The following DSCAM variants were observed in gnomAD, a reference collection of about 807,000 sequenced individuals.
The protein encoded by DSCAM is DS cell adhesion molecule, also known as cell adhesion molecule DSCAM.
A neutral mutation model predicts 217.7 loss-of-function variants in DSCAM; 47 were observed. The ratio of observed to expected loss-of-function variants is 0.22; its 90% CI spans 0.17 to 0.28. The LOEUF is 0.28. DSCAM is among the 10% of genes least tolerant of loss of function. The pLI is 1.00. For synonymous variants in DSCAM, 1,056 were observed against 1,015.3 expected (o/e 1.04, Z -0.76); for missense variants, 2,080 against 2,618.3 (o/e 0.79, Z 4.49).
intron 3 of DSCAM, among the ~76,000 whole-genome samples, chr21:40,682,023 C>A (rs1285921310): frequency 2.0e-5 from 3 of 152,114 alleles, no homozygotes; most frequent in Non-Finnish European, 4.4e-5. Context: ...GACTTCAGAA[C>A]TGTGAGGAAA....
intron 4 of DSCAM, among the ~76,000 whole-genome samples, chr21:40,359,864 CG>C (rs2074738616): frequency 6.6e-6 from 1 of 151,986 alleles, no homozygotes; most frequent in East Asian, 1.9e-4. Context: ...ATTAAATTGG[CG>C]TAATTGTGGC....
chr21:40,159,284 A>C (rs188087142), intron 16 of DSCAM, among the ~76,000 whole-genome samples: 47 of 152,306 alleles, frequency 3.1e-4, no homozygotes, highest in African/African-American at 1.1e-3. Flanking sequence ...CCTGTTTACT[A>C]ACTTATGTAT....
chr21:40,827,468 CAAAA>C (rs55906607), intron 1 of DSCAM, among the ~76,000 whole-genome samples: 2 of 57,152 alleles, frequency 3.5e-5, no homozygotes, highest in Non-Finnish European at 7.1e-5. Flanking sequence ...GTCCATGTCT[CAAAA>C]AAAAAAAAAA....
rs114699817 is a variant in DSCAM at position 40,319,240 on chromosome 21, G to A, written c.1784-6881C>T. Among the ~76,000 whole-genome samples, 819 of 152,256 alleles carry A rather than the reference G, an allele frequency of 5.4e-3. 6 individuals carry two copies. Among genetic ancestry groups the A allele is most frequent in the African/African-American group, 0.019 (784 of 41,540 alleles). ...GAAGTATACCTCCTTTAGGGGAGGA[G>A]TTATAAGTAAAAACAGCAGACCAAA... On this transcript the variant is annotated intron_variant, in intron 8 of 32. Coordinates refer to ENST00000400454, the MANE Select transcript of DSCAM (RefSeq NM_001389.5).
rs186272744 is a variant in DSCAM, at chr21:40,563,378, T to C, written c.508+129432A>G. Among the ~76,000 whole-genome samples the C allele has an allele frequency of 1.7e-3, 254 of 151,026 alleles. 1 individual carries two copies. Among genetic ancestry groups the C allele is most frequent in the African/African-American group, 5.0e-3 (207 of 41,354 alleles). ...TTTGAAATACAGGTAGTATTATCAT[T>C]GATCTGGTGGAACTCTGAGAACTTC... On this transcript the variant is annotated intron_variant, in intron 3 of 32. Transcript: ENST00000400454.
At chr21:40,170,136 C>T (rs1163529846) in intron 15 of DSCAM, among the ~76,000 whole-genome samples, 1 of 152,206 alleles carries the variant, frequency 6.6e-6, no homozygotes, top group East Asian at 1.9e-4. Flanking sequence ...GTCCAAAACA[C>T]ACGGGACCCC....
intron 10 of DSCAM, among the ~76,000 whole-genome samples, chr21:40,289,192 A>G (rs1178849978): frequency 1.3e-5 from 2 of 152,192 alleles, no homozygotes; most frequent in Admixed American, 6.5e-5. Flanking sequence ...CAGCTACAGA[A>G]TGGGTAAATG....
rs547812391 is a variant in DSCAM, at chr21:40,433,891, G to T, written c.509-64646C>A. ...CCTGAGGTAGATGATGTTACATGAG[G>T]TAGGTGATTTCACCTGAAGTGGACG... On this transcript the variant is annotated intron_variant, in intron 3 of 32. Transcript: ENST00000400454. 2.0e-5 allele frequency among the ~76,000 whole-genome samples: 3 copies of T among 152,348 alleles called. No individual in the cohort carries two copies. In the East Asian group the frequency reaches 5.8e-4, roughly 29 times the overall value.
At position 40,554,733 on chromosome 21, in the gene DSCAM, C is replaced by T. The variant is rs577370875; in HGVS notation, c.508+138077G>A. On this transcript the variant is annotated intron_variant, in intron 3 of 32. Transcript: ENST00000400454. The stretch of plus-strand genomic sequence containing the variant: ...TATTCTTAGAAGATGACAGAACAAA[C>T]TATATGTAAAATATAAAATGGATTT... 3.3e-5 allele frequency among the ~76,000 whole-genome samples: 5 copies of T among 152,250 alleles called. No homozygotes were observed. In the East Asian group the frequency reaches 7.7e-4, roughly 24 times the overall value.
chr21:40,784,904 C>G (rs758456870), intron 1 of DSCAM, among the ~76,000 whole-genome samples: 1 of 152,142 alleles, frequency 6.6e-6, no homozygotes, highest in African/African-American at 2.4e-5. Flanking sequence ...GTTATAGTAG[C>G]CCAAGTGAAC....
chr21:40,235,698 T>C (rs2091422935), intron 11 of DSCAM, among the ~76,000 whole-genome samples: 2 of 152,148 alleles, frequency 1.3e-5, no homozygotes, highest in African/African-American at 4.8e-5. Context: ...GCAAGCAAAT[T>C]TGGCCTCACT....
chr21:40,031,124 T>A (rs1407376531), intron 32 of DSCAM, among the ~76,000 whole-genome samples: 1 of 152,020 alleles, frequency 6.6e-6, no homozygotes, highest in Non-Finnish European at 1.5e-5. Flanking sequence ...AGGCTCACTG[T>A]TTTTCTTGGG....
At chr21:40,055,657 G>A (rs186875566) in intron 29 of DSCAM, 68 bp downstream of exon 29, 1 of 1,160,520 alleles carries the variant, frequency 8.6e-7, no homozygotes, top group East Asian at 2.4e-5. Context: ...CCCACATCCT[G>A]GGGTTTGGAT....
At chr21:40,440,205 C>T (rs933461164) in intron 3 of DSCAM, among the ~76,000 whole-genome samples, 2 of 152,186 alleles carry the variant, frequency 1.3e-5, no homozygotes, top group African/African-American at 2.4e-5. Context: ...AACCTAGTGG[C>T]AGTTCTCCAG....
At chr21:40,342,563 GTTGT>G (rs1362646609) in intron 6 of DSCAM, among the ~76,000 whole-genome samples, 6 of 147,298 alleles carry the variant, frequency 4.1e-5, no homozygotes, top group African/African-American at 1.5e-4. Context: ...CATTTATTGA[GTTGT>G]TTCAGTGTTA....
chr21:40,030,660 A>G (rs1425325177), intron 32 of DSCAM, among the ~76,000 whole-genome samples: 3 of 152,144 alleles, frequency 2.0e-5, no homozygotes, highest in Non-Finnish European at 2.9e-5. Context: ...GCCTCCACAT[A>G]CTGCTGTTCA....
chr21:40,605,732 G>A (rs1319707378), intron 3 of DSCAM, among the ~76,000 whole-genome samples: 5 of 149,858 alleles, frequency 3.3e-5, no homozygotes, highest in Non-Finnish European at 7.4e-5. Flanking sequence ...ATGAGCAAAG[G>A]TGAATGGGTT....
At chr21:40,706,715 A>G (rs527797376) in intron 2 of DSCAM, among the ~76,000 whole-genome samples, 2 of 152,184 alleles carry the variant, frequency 1.3e-5, no homozygotes, top group Non-Finnish European at 2.9e-5. Context: ...CCAGTTCTGT[A>G]CTCATATTTA....
chr21:40,664,285 G>C (rs180959891), intron 3 of DSCAM, among the ~76,000 whole-genome samples: 3 of 152,296 alleles, frequency 2.0e-5, no homozygotes, highest in Admixed American at 2.0e-4. Flanking sequence ...TCCCCACTGG[G>C]ACTTCCATTG....
Sources: gnomAD v4.1 joint callset for allele counts (sites outside exome capture counted in the v4.1 genomes callset) on GRCh38, gnomAD v4.1.1 for gene constraint, MANE v1.5 for transcripts, NCBI Gene and HGNC (gene_info 2026-07-23, HGNC 2026-07-21) for gene names.